Variants in CUX2 observed in about 807,000 individuals in gnomAD.
The protein encoded by CUX2 is cut like homeobox 2.
Under a neutral mutation model 144.8 loss-of-function variants are expected in CUX2, and 40 were observed. The observed-to-expected ratio is 0.28, with a 90% CI of 0.21 to 0.36. The LOEUF is 0.36. Ranked by LOEUF, CUX2 falls within the 10% of genes least tolerant of loss-of-function variation. CUX2 has a pLI of 1.00. For synonymous variants in CUX2, 827 were observed against 875.6 expected (o/e 0.94, Z 0.98); for missense variants, 1,615 against 1,994.0 (o/e 0.81, Z 3.62).
Position 111,348,508 on chromosome 12 carries a change from A to C in CUX2, c.*183A>C. The C allele has an allele frequency of 1.6e-6, 1 of 639,812 alleles. No individual in the cohort carries two copies. The highest frequency in any genetic ancestry group is 2.6e-6 in the Non-Finnish European group (1 of 379,896). 39.6% of individuals were successfully genotyped at this position (639,812 alleles called of 1,614,324 possible). A position where few individuals can be genotyped will look rare whatever the true frequency, so the allele number is the denominator to read the frequency against. On this transcript the variant is annotated 3_prime_UTR_variant, in exon 22 of 22. Transcript: ENST00000261726. ...ATGAAGCTGTGTGAGCAGGTGGGTCAAATGCCATTGCCTCCACTTTTCTGC... is the reference window on the plus strand; with the variant it reads ...ATGAAGCTGTGTGAGCAGGTGGGTCCAATGCCATTGCCTCCACTTTTCTGC...
Position 111,155,494 on chromosome 12 carries a change from C to A in CUX2, c.64-58706C>A, listed in dbSNP as rs116020880. Among the ~76,000 whole-genome samples the A allele has an allele frequency of 4.1e-3, 625 of 152,290 alleles. 3 individuals carry two copies. Among genetic ancestry groups the A allele is most frequent in the African/African-American group, 0.015 (608 of 41,552 alleles). ...AACATGCTTAGTTTAAAAATCCAAA[C>A]AGACTTGCACTCCCAATGAAAATTG... On this transcript the variant is annotated intron_variant, in intron 1 of 21. Transcript: ENST00000261726.
At position 111,069,520 on chromosome 12, in the gene CUX2, CTGTGTGTG is replaced by C. The variant is rs150243402; in HGVS notation, c.63+35305_63+35312del. On this transcript the variant is annotated intron_variant, in intron 1 of 21. Coordinates refer to ENST00000261726, the MANE Select transcript of CUX2 (RefSeq NM_015267.4). ...GGCTGGCCATAAACAAAGCCTTGCT[CTGTGTGTG>C]TGTGTGTGTGTGTGTGTGTGTGTGC... 9.3e-5 allele frequency among the ~76,000 whole-genome samples: 13 copies of C among 139,800 alleles called. 2 individuals are homozygous for C. The South Asian group carries it at 2.4e-3, about 26-fold the overall frequency. The allele number at this position is 139,800 out of a possible 152,430, so 91.7% of individuals were successfully genotyped here.
intron 3 of CUX2, among the ~76,000 whole-genome samples, chr12:111,261,574 AACTC>A (rs1305505638): frequency 6.6e-6 from 1 of 152,112 alleles, no homozygotes; most frequent in Non-Finnish European, 1.5e-5. Flanking sequence ...TGTCCCCAGA[AACTC>A]ACTCTTGTCC....
At chr12:111,165,230 GT>G (rs1878064395) in intron 1 of CUX2, among the ~76,000 whole-genome samples, 2 of 152,166 alleles carry the variant, frequency 1.3e-5, no homozygotes. Flanking sequence ...AACATTTGGT[GT>G]TTAGCTCTCT....
At chr12:111,135,577 A>T (rs1875824637) in intron 1 of CUX2, among the ~76,000 whole-genome samples, 1 of 152,220 alleles carries the variant, frequency 6.6e-6, no homozygotes, top group African/African-American at 2.4e-5. Flanking sequence ...GGTAGAACCA[A>T]CCCGCATGTG....
Position 111,277,400 on chromosome 12 carries a change from T to G in CUX2, c.301+13561T>G, listed in dbSNP as rs112535964. ...GACGGTCAGCTGCCATTTCCTTATC[T>G]GATGCAAGCCGTTTCTCCTGGTATT... On this transcript the variant is annotated intron_variant, in intron 4 of 21. Transcript: ENST00000261726. This position sits in a 1 kb window ranked among gnomAD's most constrained non-coding sequence, Gnocchi z 5.0. 0.023 allele frequency among the ~76,000 whole-genome samples: 3,564 copies of G among 152,166 alleles called. 171 individuals carry two copies. Among genetic ancestry groups the G allele is most frequent in the African/African-American group, 0.083 (3,423 of 41,486 alleles).
chr12:111,084,207 T>C (rs1872064438), intron 1 of CUX2, among the ~76,000 whole-genome samples: 1 of 151,940 alleles, frequency 6.6e-6, no homozygotes, highest in African/African-American at 2.4e-5. Flanking sequence ...TCAGCAGGAG[T>C]GGAGTGGTTA....
At chr12:111,280,505 G>T (rs1422474420) in intron 4 of CUX2, among the ~76,000 whole-genome samples, 1 of 152,188 alleles carries the variant, frequency 6.6e-6, no homozygotes, top group Admixed American at 6.5e-5. Flanking sequence ...CAGCAGAGCA[G>T]ATTCCTCTGG....
At chr12:111,201,348 TG>T (rs1376037790) in intron 1 of CUX2, among the ~76,000 whole-genome samples, 2 of 152,154 alleles carry the variant, frequency 1.3e-5, no homozygotes, top group Non-Finnish European at 2.9e-5. Context: ...CCAACCCCTC[TG>T]GCTCCCAATC....
chr12:111,171,958 C>T lies in CUX2; in HGVS notation c.64-42242C>T, dbSNP rs1484891509. On this transcript the variant is annotated intron_variant, in intron 1 of 21. Transcript: ENST00000261726. The surrounding 1 kb of genome is among the most constrained non-coding windows in gnomAD (Gnocchi z 5.0). ...GCCTGTGTACACGTGCGTGTGTGTG[C>T]GTGCATGTGCATGCACCTGTGTGTG... is the stretch of plus-strand genomic sequence containing the variant. Among the ~76,000 whole-genome samples, 1 of 151,922 alleles carries T rather than the reference C, an allele frequency of 6.6e-6. No homozygotes were observed. The highest frequency in any genetic ancestry group is 1.5e-5 in the Non-Finnish European group (1 of 67,962).
chr12:111,189,404 T>C (rs1181715641), intron 1 of CUX2, among the ~76,000 whole-genome samples: 4 of 152,242 alleles, frequency 2.6e-5, no homozygotes, highest in Non-Finnish European at 5.9e-5. Context: ...ACAGGCTTGA[T>C]TTGCCAGTTT....
chr12:111,281,540 G>T (rs1248427209), intron 4 of CUX2, among the ~76,000 whole-genome samples: 3 of 152,142 alleles, frequency 2.0e-5, no homozygotes, highest in Admixed American at 6.5e-5. Flanking sequence ...CAAAGACAAG[G>T]GTCTCATTTA....
rs375555910 is a variant in CUX2 at position 111,347,883 on chromosome 12, G to T, written c.4019G>T (p.Gly1340Val). 1.9e-6 allele frequency: 3 copies of T among 1,613,934 alleles called. No homozygotes were observed. The highest frequency in any genetic ancestry group is 2.5e-6 in the Non-Finnish European group (3 of 1,180,016). ...EEHPDPPGNDGLPKVAPGPLL... is the reference protein window; with the variant it reads ...EEHPDPPGNDVLPKVAPGPLL... ...CATCCCGACCCTCCGGGTAATGATG[G>T]ACTCCCAAAAGTGGCTCCCGGGCCC... The change falls in exon 22 of 22, where the codon GGA (glycine) becomes GTA (valine). Residue 1340 changes from glycine (G) to valine (V), a missense_variant. This residue lies in a region of CUX2 where 298 missense variants were observed against 330.4 expected (regional missense o/e 0.90). Coordinates refer to ENST00000261726, the MANE Select transcript of CUX2 (RefSeq NM_015267.4).
chr12:111,331,488 T>C (rs6490056), intron 18 of CUX2, among the ~76,000 whole-genome samples: 59,182 of 151,814 alleles, frequency 0.39, 14,784 homozygotes, highest in East Asian at 0.78. Flanking sequence ...TCCCTGGGGA[T>C]GCTCCCACCT....
Position 111,068,951 on chromosome 12 carries a change from C to T in CUX2, c.63+34711C>T, listed in dbSNP as rs903027388. ...TGAAACCCCATCTCTACTAATAATA[C>T]AAAAAATAGCCGGACTGGGTGGCCT... On this transcript the variant is annotated intron_variant, in intron 1 of 21. Coordinates refer to ENST00000261726, the MANE Select transcript of CUX2 (RefSeq NM_015267.4). The surrounding 1 kb of genome is among the most constrained non-coding windows in gnomAD (Gnocchi z 4.9). Among the ~76,000 whole-genome samples, 11 of 152,030 alleles carry T rather than the reference C, an allele frequency of 7.2e-5. No individual in the cohort carries two copies. Among genetic ancestry groups the T allele is most frequent in the African/African-American group, 2.7e-4 (11 of 41,388 alleles).
intron 3 of CUX2, among the ~76,000 whole-genome samples, chr12:111,256,641 GCA>G (rs2136281948): frequency 6.6e-6 from 1 of 152,302 alleles, no homozygotes; most frequent in South Asian, 2.1e-4. Context: ...ACTTGGAGAA[GCA>G]CAGTTTGCAG....
At position 111,277,847 on chromosome 12, in the gene CUX2, C is replaced by T. The variant is rs991805762; in HGVS notation, c.302-13571C>T. ...GAGCTTAGAGGCTTAAAACAACACA[C>T]GTTTATGATCTCACCGTTCTGCAGA... On this transcript the variant is annotated intron_variant, in intron 4 of 21. Transcript: ENST00000261726. The surrounding 1 kb of genome is among the most constrained non-coding windows in gnomAD (Gnocchi z 5.0). Among the ~76,000 whole-genome samples the T allele has an allele frequency of 2.6e-5, 4 of 152,206 alleles. No homozygotes were observed. The highest frequency in any genetic ancestry group is 7.2e-5 in the African/African-American group (3 of 41,446).
chr12:111,258,287 C>T (rs574061797), intron 3 of CUX2, among the ~76,000 whole-genome samples: 1 of 152,224 alleles, frequency 6.6e-6, no homozygotes, highest in South Asian at 2.1e-4. Context: ...CCAAGGCGGG[C>T]GGATCACCTG....
intron 1 of CUX2, among the ~76,000 whole-genome samples, chr12:111,138,182 C>T (rs1447150857): frequency 3.9e-5 from 6 of 152,242 alleles, no homozygotes; most frequent in Admixed American, 1.3e-4. Context: ...TCTCGCTCCA[C>T]GCACAGATGT....
Sources: gnomAD v4.1 joint callset for allele counts (sites outside exome capture counted in the v4.1 genomes callset) on GRCh38, gnomAD v4.1.1 for gene constraint, gnomAD v4.1.1 regional missense constraint, Gnocchi (gnomAD v3.1) non-coding constraint, MANE v1.5 for transcripts, NCBI Gene and HGNC (gene_info 2026-07-23, HGNC 2026-07-21) for gene names.